The following NXF3 variants were observed in gnomAD, a reference collection of about 807,000 sequenced individuals.
The protein encoded by NXF3 is nuclear RNA export factor 3, also known as TAP-like protein 3.
NXF3 carries 34 observed loss-of-function variants against 48.4 expected under a neutral mutation model. That is an observed-to-expected ratio of 0.70 (90% CI 0.53 to 0.93). The LOEUF (loss-of-function observed/expected upper bound fraction) is 0.93, where lower values mean the gene tolerates loss of function less well. Ranked by LOEUF, NXF3 falls within the 40% of genes least tolerant of loss-of-function variation. The probability of loss-of-function intolerance (pLI) is 0.00; values close to 1 mark genes in which losing one functional copy is unlikely to be tolerated. For synonymous variants in NXF3, 132 were observed against 145.7 expected (o/e 0.91, Z 0.68); for missense variants, 359 against 406.1 (o/e 0.88, Z 1.00).
chrX:103,081,516 TG>T (rs1271898943), intron 9 of NXF3: 1 of 112,880 alleles, frequency 8.9e-6, no homozygotes, highest in East Asian at 2.8e-4. Context: ...AGGGCTCCTC[TG>T]AGGACCCAGG....
chrX:103,083,421 T>C lies in NXF3; in HGVS notation c.517A>G (p.Ile173Val). Residue 173 changes from isoleucine to valine, a missense_variant, in exon 5 of 20, where the codon ATT (isoleucine) becomes GTT (valine). By Grantham distance (29) the Ile-to-Val change is conservative (BLOSUM62 3). Coordinates refer to ENST00000395065, the MANE Select transcript of NXF3 (RefSeq NM_022052.2). Reference sequence around the variant, plus strand: ...ACCTTTTCATTATCCTCATCCCAAATCTTGCCACTGACATTCTTCAGTGCA... The same window carrying C: ...ACCTTTTCATTATCCTCATCCCAAACCTTGCCACTGACATTCTTCAGTGCA... ...AYALKNVSGKIWDEDNEKISI... is the reference protein window; with the variant it reads ...AYALKNVSGKVWDEDNEKISI... 8.3e-7 allele frequency: 1 copy of C among 1,209,374 alleles called. No homozygotes were observed. Among genetic ancestry groups the C allele is most frequent in the Non-Finnish European group, 1.1e-6 (1 of 893,408 alleles).
At chrX:103,088,906 A>C in intron 1 of NXF3, 1 of 1,195,256 alleles carries the variant, frequency 8.4e-7, no homozygotes, top group Non-Finnish European at 1.1e-6. Flanking sequence ...GGTGTTCAAA[A>C]ATACGAGGTC....
rs1237622222 is a variant in NXF3 at position 103,075,926 on chromosome X, G to A, written c.*124C>T. The A allele has an allele frequency of 4.2e-6, 1 of 236,755 alleles. No individual in the cohort carries two copies. The highest frequency in any genetic ancestry group is 7.6e-6 in the Non-Finnish European group (1 of 131,833). The allele number at this position is 236,755 out of a possible 1,213,427, so 19.5% of individuals were successfully genotyped here. ...ACAACTGGCCCCTTTGGAAGGATGA[G>A]AGTCAGCCCTGTGAGTTGGGCTTCG... On this transcript the variant is annotated 3_prime_UTR_variant, in exon 20 of 20. Transcript: ENST00000395065.
chrX:103,084,261 G>T, intron 3 of NXF3, 81 bp downstream of exon 3: 2 of 1,086,896 alleles, frequency 1.8e-6, no homozygotes, highest in African/African-American at 1.8e-5. Flanking sequence ...CCTTACAAAA[G>T]TATCTAGTGT....
At chrX:103,077,908 C>T (rs1921912217) in intron 17 of NXF3, among the ~76,000 whole-genome samples, 162 bp from the exon 18 acceptor site, 1 of 111,735 alleles carries the variant, frequency 8.9e-6, no homozygotes, top group Admixed American at 9.5e-5. Flanking sequence ...CCACAGAGCC[C>T]ACCTTTGGAG....
intron 1 of NXF3, chrX:103,087,679 T>C: frequency 6.7e-6 from 7 of 1,048,285 alleles, no homozygotes; most frequent in Middle Eastern, 2.5e-4. Flanking sequence ...TTCATGCATA[T>C]ACAATCTGTG....
chrX:103,084,256 C>A, intron 3 of NXF3, 86 bp downstream of exon 3: 1 of 1,073,567 alleles, frequency 9.3e-7, no homozygotes, highest in Non-Finnish European at 1.3e-6. Context: ...CCTGCCCTTA[C>A]AAAAGTATCT....
intron 1 of NXF3, among the ~76,000 whole-genome samples, chrX:103,092,398 T>A (rs1207798873): frequency 8.9e-6 from 1 of 112,281 alleles, no homozygotes; most frequent in Non-Finnish European, 1.9e-5. Flanking sequence ...TGTATGCATG[T>A]CTTAACATGG....
chrX:103,079,923 G>A (rs1431344427), intron 12 of NXF3, 53 bp from the exon 13 acceptor site: 1 of 1,179,080 alleles, frequency 8.5e-7, no homozygotes, highest in Non-Finnish European at 1.2e-6. Context: ...TGCCAAATGA[G>A]TCTTGAAAGT....
chrX:103,080,297 G>A, intron 10 of NXF3, 81 bp from the exon 11 acceptor site: 3 of 978,009 alleles, frequency 3.1e-6, no homozygotes, highest in Non-Finnish European at 4.3e-6. Flanking sequence ...ACCCAGGAGA[G>A]GGTGAGATCA....
rs757655466 is a variant in NXF3, at chrX:103,090,390, T to C, written c.28+2606A>G. Among the ~76,000 whole-genome samples the C allele has an allele frequency of 2.1e-4, 24 of 112,190 alleles. 1 individual carries two copies. In the East Asian group the frequency reaches 5.6e-3, roughly 26 times the overall value. On this transcript the variant is annotated intron_variant, in intron 1 of 19. Coordinates refer to ENST00000395065, the MANE Select transcript of NXF3 (RefSeq NM_022052.2). ...GAGGGATAAGATGCTTGTAGAGTTG[T>C]GGGTATCATTCCAAATAGAACTGTT...
chrX:103,077,269 G>A (rs1440666292), intron 18 of NXF3, among the ~76,000 whole-genome samples: 2 of 69,235 alleles, frequency 2.9e-5, no homozygotes, highest in African/African-American at 1.2e-4. Context: ...TTTTTTTTCC[G>A]AGACGGAGTC....
Position 103,092,695 on chromosome X carries a change from C to T in NXF3, c.28+301G>A, listed in dbSNP as rs140387374. On this transcript the variant is annotated intron_variant, in intron 1 of 19. Coordinates refer to ENST00000395065, the MANE Select transcript of NXF3 (RefSeq NM_022052.2). ...TCTGGGGCTGGGGTGGGAGGTAATA[C>T]AATCTACCTTGAATGGTTAGTGTGA... 5.7e-3 allele frequency among the ~76,000 whole-genome samples: 639 copies of T among 112,768 alleles called. 4 individuals carry two copies. The highest frequency in any genetic ancestry group is 0.02 in the African/African-American group (616 of 31,043).
At chrX:103,091,165 A>G (rs1295257200) in intron 1 of NXF3, among the ~76,000 whole-genome samples, 1 of 111,812 alleles carries the variant, frequency 8.9e-6, no homozygotes, top group Non-Finnish European at 1.9e-5. Context: ...TTGTGTTTGT[A>G]TGATTATGAG....
chrX:103,080,698 G>T, intron 9 of NXF3, 86 bp from the exon 10 acceptor site: 1 of 917,549 alleles, frequency 1.1e-6, no homozygotes, highest in Non-Finnish European at 1.6e-6. Flanking sequence ...CTACGTCAGA[G>T]ACACAGTGCA....
intron 10 of NXF3, 43 bp from the exon 11 acceptor site, chrX:103,080,259 TG>T (rs1223288044): frequency 8.8e-7 from 1 of 1,142,018 alleles, no homozygotes; most frequent in Non-Finnish European, 1.2e-6. Flanking sequence ...AGTAGGGAGG[TG>T]GCACAGAAAA....
At chrX:103,082,938 G>GT in intron 7 of NXF3, 66 bp downstream of exon 7, 2 of 1,149,276 alleles carry the variant, frequency 1.7e-6, no homozygotes, top group Non-Finnish European at 2.4e-6. Context: ...GTTGCCAACC[G>GT]TAAGTCTCCA....
intron 8 of NXF3, 52 bp from the exon 9 acceptor site, chrX:103,082,416 C>A (rs1214632421): frequency 3.5e-6 from 3 of 855,983 alleles, no homozygotes; most frequent in Non-Finnish European, 5.1e-6. Flanking sequence ...AGCTGGAGGG[C>A]CCTGCACCCT....
chrX:103,079,359 C>G lies in NXF3; in HGVS notation c.1335G>C (p.Thr445=). The G allele has an allele frequency of 8.3e-7, 1 of 1,210,241 alleles. No individual in the cohort carries two copies. The highest frequency in any genetic ancestry group is 1.1e-6 in the Non-Finnish European group (1 of 894,056). ...SSFLVDMWYQ[T]EWMLCFSVNG... ...CCCAAGGGAGGAAGCAGGTACTCACCGTCTGGTACCACATGTCCACCAGGA... is the reference window on the plus strand; with the variant it reads ...CCCAAGGGAGGAAGCAGGTACTCACGGTCTGGTACCACATGTCCACCAGGA... Residue 445 remains threonine (T), a splice_region_variant and synonymous_variant, in exon 15 of 20, where the codon ACG becomes ACC. Coordinates refer to ENST00000395065, the MANE Select transcript of NXF3 (RefSeq NM_022052.2).
Sources: allele counts gnomAD v4.1 joint callset (sites outside exome capture counted in the v4.1 genomes callset), GRCh38; gene constraint gnomAD v4.1.1; transcripts MANE v1.5; gene names NCBI Gene and HGNC (gene_info 2026-07-23, HGNC 2026-07-21).